The following PPP2R5C variants were observed in gnomAD, a reference collection of about 807,000 sequenced individuals.
The protein encoded by PPP2R5C is protein phosphatase 2 regulatory subunit B'gamma, also known as serine/threonine-protein phosphatase 2A 56 kDa regulatory subunit gamma isoform.
PPP2R5C carries 7 observed loss-of-function variants against 68.9 expected under a neutral mutation model. The observed-to-expected ratio is 0.10, with a 90% CI of 0.06 to 0.19. The LOEUF is 0.19. Among genes scored for constraint, PPP2R5C ranks in the 10% least tolerant of loss-of-function variants. The pLI, the probability that PPP2R5C is intolerant of heterozygous loss-of-function variation, is 1.00. For missense variants in PPP2R5C, 348 were observed against 641.3 expected (o/e 0.54, Z 4.94); for synonymous variants, 210 against 222.2 (o/e 0.95, Z 0.49).
At chr14:101,905,484 C>A (rs961726100) in intron 9 of PPP2R5C, among the ~76,000 whole-genome samples, 11 of 152,092 alleles carry the variant, frequency 7.2e-5, no homozygotes, top group Non-Finnish European at 1.0e-4. Context: ...CATGGCAAAA[C>A]CCTGTCTCCA....
exon 14 of PPP2R5C, chr14:101,925,316 C>T (rs776584253): frequency 1.2e-6 from 2 of 1,605,260 alleles, no homozygotes; most frequent in Non-Finnish European, 8.5e-7. Flanking sequence ...AGTTCTTTTC[C>T]GGATTCTGTA....
intron 2 of PPP2R5C, among the ~76,000 whole-genome samples, chr14:101,768,381 T>C (rs1459521792): frequency 6.6e-6 from 1 of 152,204 alleles, no homozygotes; most frequent in East Asian, 1.9e-4. Flanking sequence ...CCCAAAGAGC[T>C]TTTATTTAGT....
intron 8 of PPP2R5C, among the ~76,000 whole-genome samples, chr14:101,895,051 C>A (rs1176572036): frequency 1.3e-5 from 2 of 152,102 alleles, no homozygotes; most frequent in Admixed American, 1.3e-4. Context: ...TACTGCTGTT[C>A]TGTGCGTGGA....
chr14:101,847,152 A>G (rs988210697), intron 1 of PPP2R5C, among the ~76,000 whole-genome samples: 3 of 152,190 alleles, frequency 2.0e-5, no homozygotes, highest in African/African-American at 7.2e-5. Flanking sequence ...CTGTGGTCCC[A>G]CTATGTGCTG....
At position 101,876,157 on chromosome 14, in the gene PPP2R5C, C is replaced by T. The variant is rs535744781; in HGVS notation, c.295-6004C>T. Among the ~76,000 whole-genome samples the T allele has an allele frequency of 1.2e-4, 19 of 152,172 alleles. No individual in the cohort carries two copies. In the South Asian group the frequency reaches 2.3e-3, roughly 18 times the overall value. ...TTTGTACTTAAATATATATATATTG[C>T]GAAGGGGCTTAACACTTTCTGCCCT... On this transcript the variant is annotated intron_variant, in intron 2 of 13. Transcript: ENST00000334743.
intron 7 of PPP2R5C, among the ~76,000 whole-genome samples, chr14:101,893,940 G>A (rs2045133528): frequency 1.3e-5 from 2 of 152,224 alleles, no homozygotes; most frequent in African/African-American, 4.8e-5. Context: ...GCCAGGCACT[G>A]AGCAGTCACG....
At chr14:101,876,359 G>A (rs1243825937) in intron 2 of PPP2R5C, among the ~76,000 whole-genome samples, 2 of 150,188 alleles carry the variant, frequency 1.3e-5, no homozygotes, top group Non-Finnish European at 3.0e-5. Flanking sequence ...TTTGAACAGA[G>A]AACTGTAAAT....
intron 2 of PPP2R5C, among the ~76,000 whole-genome samples, chr14:101,857,758 C>A (rs182966037): frequency 3.9e-5 from 6 of 152,224 alleles, no homozygotes; most frequent in Admixed American, 6.5e-5. Context: ...CTAGTACCCC[C>A]CACACACACA....
At chr14:101,761,701 C>T (rs2036543904), upstream of PPP2R5C, 2 of 373,862 alleles carry the variant, frequency 5.3e-6, no homozygotes, top group Non-Finnish European at 7.3e-6. Context: ...GCCGCCGCCG[C>T]CGCCGCCGCC....
In PPP2R5C at chr14:101,838,748, A is replaced by G. The variant is rs148868140; in HGVS notation, c.95-17938A>G. ...TTGTCCTTTCTTCTTGGTTGTATAA[A>G]TCTTCACTATTTTGGCTGGGCATGG... On this transcript the variant is annotated intron_variant, in intron 1 of 13. Transcript: ENST00000334743. Among the ~76,000 whole-genome samples, 722 of 152,378 alleles carry G rather than the reference A, an allele frequency of 4.7e-3. 6 individuals are homozygous for G. Among genetic ancestry groups the G allele is most frequent in the Non-Finnish European group, 7.2e-3 (490 of 68,042 alleles).
intron 5 of PPP2R5C, among the ~76,000 whole-genome samples, chr14:101,885,219 T>C (rs967895972): frequency 6.6e-6 from 1 of 152,186 alleles, no homozygotes; most frequent in East Asian, 1.9e-4. Context: ...TCGGGGTCCT[T>C]TCTTAGTCAC....
intron 2 of PPP2R5C, among the ~76,000 whole-genome samples, chr14:101,779,945 T>C (rs2037595256): frequency 6.6e-6 from 1 of 152,142 alleles, no homozygotes; most frequent in Admixed American, 6.5e-5. Context: ...TTCACATACA[T>C]AGTAGTCGAG....
chr14:101,871,465 G>T (rs1252793725), intron 2 of PPP2R5C, among the ~76,000 whole-genome samples: 1 of 152,046 alleles, frequency 6.6e-6, no homozygotes, highest in East Asian at 1.9e-4. Context: ...GGATGGTCTC[G>T]ATCTCCTGAT....
chr14:101,925,328 A>T (rs992335469), exon 14 of PPP2R5C: 1 of 1,601,190 alleles, frequency 6.2e-7, no homozygotes, highest in African/African-American at 1.3e-5. Flanking sequence ...GATTCTGTAG[A>T]AAATACATAC....
chr14:101,884,071 G>C (rs954085214), intron 5 of PPP2R5C, among the ~76,000 whole-genome samples: 3 of 152,216 alleles, frequency 2.0e-5, no homozygotes, highest in African/African-American at 4.8e-5. Context: ...CCTTCAGTCT[G>C]TGGCGGAAAG....
chr14:101,803,842 G>A (rs1335688782), intron 3 of PPP2R5C, among the ~76,000 whole-genome samples: 1 of 152,032 alleles, frequency 6.6e-6, no homozygotes. Flanking sequence ...TACCCCACAA[G>A]CACAGGCAAC....
chr14:101,761,069 GAGGA>G (rs1422097410), upstream of PPP2R5C, among the ~76,000 whole-genome samples: 105 of 135,666 alleles, frequency 7.7e-4, no homozygotes, highest in Non-Finnish European at 1.3e-3. Flanking sequence ...AGTGGAGGGA[GAGGA>G]GGGAAGGGGA....
chr14:101,828,527 C>T (rs1566878661), intron 1 of PPP2R5C, among the ~76,000 whole-genome samples: 1 of 152,108 alleles, frequency 6.6e-6, no homozygotes, highest in Non-Finnish European at 1.5e-5. Flanking sequence ...TGCTTGTACA[C>T]ACACACAAAT....
At chr14:101,898,171 GTAAA>G (rs1472739653) in intron 8 of PPP2R5C, among the ~76,000 whole-genome samples, 2 of 152,172 alleles carry the variant, frequency 1.3e-5, no homozygotes, top group East Asian at 3.9e-4. Context: ...AAATAAATAA[GTAAA>G]TACAAATGGA....
Sources: gnomAD v4.1 joint callset for allele counts (sites outside exome capture counted in the v4.1 genomes callset) on GRCh38, gnomAD v4.1.1 for gene constraint, MANE v1.5 for transcripts, NCBI Gene and HGNC (gene_info 2026-07-23, HGNC 2026-07-21) for gene names.